NINJ2: variants seen among roughly 807,000 people sequenced by gnomAD.
NINJ2 encodes the protein ninjurin 2.
Under a neutral mutation model 11.7 loss-of-function variants are expected in NINJ2, and 12 were observed. The observed-to-expected ratio is 1.02, with a 90% CI of 0.66 to 1.66. The LOEUF (loss-of-function observed/expected upper bound fraction) is 1.66. Ranked by LOEUF, NINJ2 falls within the 40% of genes most tolerant of loss-of-function variation. NINJ2 has a pLI of 0.00. For synonymous variants in NINJ2, 93 were observed against 76.8 expected, an observed-to-expected ratio of 1.21 and a Z score of -1.10; for missense variants, 187 against 181.8, an observed-to-expected ratio of 1.03 and a Z score of -0.16.
chr12:619,516 T>C (rs1948129711), intron 1 of NINJ2, among the ~76,000 whole-genome samples: 1 of 152,140 alleles, frequency 6.6e-6, no homozygotes, highest in South Asian at 2.1e-4. Flanking sequence ...ACCTCCTTTG[T>C]ACACAGGCTG....
intron 1 of NINJ2, among the ~76,000 whole-genome samples, chr12:622,366 C>A (rs370676883): frequency 7.1e-6 from 1 of 141,028 alleles, no homozygotes; most frequent in Non-Finnish European, 1.5e-5. Context: ...GCTGAGATCA[C>A]GCCACTGCAC....
chr12:611,243 CTT>C (rs1190704130), intron 1 of NINJ2, among the ~76,000 whole-genome samples: 8 of 112,022 alleles, frequency 7.1e-5, no homozygotes, highest in African/African-American at 1.1e-4. Context: ...TTCTTTCTTT[CTT>C]TCTCTCTCTC....
At chr12:659,147 C>A (rs1445587786) in intron 1 of NINJ2, among the ~76,000 whole-genome samples, 1 of 151,440 alleles carries the variant, frequency 6.6e-6, no homozygotes, top group Non-Finnish European at 1.5e-5. Flanking sequence ...AGTACTTTGC[C>A]TATAGACCTT....
chr12:643,306 G>A (rs915455088), intron 1 of NINJ2: 5 of 405,150 alleles, frequency 1.2e-5, no homozygotes, highest in Admixed American at 1.3e-4. Context: ...ACTCTGCACC[G>A]TCGCGGCCTC....
Position 633,511 on chromosome 12 carries a change from T to G in NINJ2, c.33+29817A>C, listed in dbSNP as rs1261322061. ...AGAGACTGTCTCCAAAAAAAAAAAA[T>G]CATGTCATTTAAAAACTTCTGAGGC... On this transcript the variant is annotated intron_variant, in intron 1 of 3. Transcript: ENST00000305108. This position sits in a 1 kb window ranked among gnomAD's most constrained non-coding sequence, Gnocchi z 4.3. Among the ~76,000 whole-genome samples the G allele has an allele frequency of 2.0e-5, 3 of 150,238 alleles. No homozygotes were observed. Among genetic ancestry groups the G allele is most frequent in the Non-Finnish European group, 4.4e-5 (3 of 67,590 alleles).
intron 1 of NINJ2, among the ~76,000 whole-genome samples, chr12:596,691 AG>A (rs1275360283): frequency 6.6e-5 from 10 of 152,162 alleles, no homozygotes. Context: ...GGGAGGTTGA[AG>A]CAGGGGCATC....
intron 1 of NINJ2, among the ~76,000 whole-genome samples, chr12:654,658 C>T (rs1010033282): frequency 2.6e-5 from 4 of 151,858 alleles, no homozygotes; most frequent in African/African-American, 9.7e-5. Context: ...CTTTGGGAGG[C>T]CGAGGTGGGT....
chr12:646,227 T>C (rs532985288), intron 1 of NINJ2, among the ~76,000 whole-genome samples: 1 of 152,322 alleles, frequency 6.6e-6, no homozygotes, highest in East Asian at 1.9e-4. Context: ...CTCTTCAGGC[T>C]ACTCCATAGC....
chr12:567,991 A>G (rs1947325600), intron 1 of NINJ2, among the ~76,000 whole-genome samples: 1 of 152,224 alleles, frequency 6.6e-6, no homozygotes, highest in Non-Finnish European at 1.5e-5. Context: ...TGGGTGGCAG[A>G]GTAAGACTCT....
In NINJ2 at chr12:629,881, C is replaced by CAAAAAAA. The variant is rs1179186409; in HGVS notation, c.33+33440_33+33446dup. Reference sequence around the variant, plus strand: ...CAGCCTCGGCGACAAGAGCAAAACTCAAAAAAAAAAAAAAAATATATATAT... The same window carrying CAAAAAAA: ...CAGCCTCGGCGACAAGAGCAAAACTCAAAAAAAAAAAAAAAAAAAAAAATATATATAT... On this transcript the variant is annotated intron_variant, in intron 1 of 3. Transcript: ENST00000305108. Among the ~76,000 whole-genome samples, 19 of 3,362 alleles carry CAAAAAAA rather than the reference C, an allele frequency of 5.7e-3. 2 individuals are homozygous for CAAAAAAA. Among genetic ancestry groups the CAAAAAAA allele is most frequent in the Admixed American group, 0.014 (1 of 70 alleles). The allele number at this position is 3,362 out of a possible 152,430, so 2.2% of individuals were successfully genotyped here.
At chr12:577,430 C>CATATATATGTATATATATATATACATAT in intron 1 of NINJ2, among the ~76,000 whole-genome samples, 2 of 93,988 alleles carry the variant, frequency 2.1e-5, no homozygotes, top group Admixed American at 2.1e-4. Context: ...TATATATATA[C>CATATATATGTATATATATATATACATAT]ATATATATAT....
chr12:630,714 A>T (rs12316910), intron 1 of NINJ2, among the ~76,000 whole-genome samples: 19 of 152,308 alleles, frequency 1.2e-4, no homozygotes, highest in African/African-American at 3.6e-4. Flanking sequence ...GCAAATCCCC[A>T]AAGAGGGCCA....
In NINJ2 at chr12:566,057, G is replaced by A. The variant is rs773252921; in HGVS notation, c.155C>T (p.Ala52Val). ...LFMSNAMRLK[A>V]VLEQGPSSHY... ...AGAGGATGGTCCCTGCTCCAGCACCGCCTTCAGCCGCATGGCGTTGGACAT... is the reference window on the plus strand; with the variant it reads ...AGAGGATGGTCCCTGCTCCAGCACCACCTTCAGCCGCATGGCGTTGGACAT... The change falls in exon 2 of 4, where the codon GCG becomes GTG. Residue 52 changes from alanine (A) to valine (V), a missense_variant. Physicochemically the swap from Ala to Val is moderately conservative, Grantham distance 64 (BLOSUM62 0). Coordinates refer to ENST00000305108, the MANE Select transcript of NINJ2 (RefSeq NM_016533.6). 1.5e-5 allele frequency: 25 copies of A among 1,614,030 alleles called. No homozygotes were observed. Among genetic ancestry groups the A allele is most frequent in the Admixed American group, 8.3e-5 (5 of 60,006 alleles).
At chr12:565,148 A>G (rs1947273907) in intron 3 of NINJ2, 69 bp downstream of exon 3, 2 of 1,309,010 alleles carry the variant, frequency 1.5e-6, no homozygotes, top group Admixed American at 2.7e-5. Context: ...TCTTGCCCCA[A>G]AGCCCCAGAG....
intron 1 of NINJ2, among the ~76,000 whole-genome samples, chr12:608,892 T>TG (rs1168049740): frequency 6.6e-6 from 1 of 152,270 alleles, no homozygotes; most frequent in Non-Finnish European, 1.5e-5. Flanking sequence ...GGCAAGTCAC[T>TG]GTCCCTCTCT....
chr12:657,966 T>C (rs1420454581), intron 1 of NINJ2, among the ~76,000 whole-genome samples: 2 of 151,536 alleles, frequency 1.3e-5, no homozygotes, highest in Non-Finnish European at 2.9e-5. Flanking sequence ...AGAATTTGTG[T>C]TTACACAAAA....
intron 1 of NINJ2, chr12:610,400 C>T (rs1161806041): frequency 2.0e-6 from 3 of 1,535,540 alleles, no homozygotes; most frequent in African/African-American, 1.4e-5. Context: ...AGCCTCTTGC[C>T]CCACCAAGCA....
intron 1 of NINJ2, among the ~76,000 whole-genome samples, chr12:578,856 A>G (rs1242250905): frequency 7.9e-5 from 12 of 152,192 alleles, no homozygotes; most frequent in Admixed American, 7.9e-4. Flanking sequence ...TTCCCAGCCC[A>G]GTGCTGCCAG....
chr12:658,669 T>G, intron 1 of NINJ2, among the ~76,000 whole-genome samples: 1 of 131,272 alleles, frequency 7.6e-6, no homozygotes, highest in Non-Finnish European at 1.6e-5. Context: ...TGCTATGCTA[T>G]GCTATGCTAT....
Sources: gnomAD v4.1 joint callset for allele counts (sites outside exome capture counted in the v4.1 genomes callset) on GRCh38, gnomAD v4.1.1 for gene constraint, Gnocchi (gnomAD v3.1) non-coding constraint, MANE v1.5 for transcripts, NCBI Gene and HGNC (gene_info 2026-07-23, HGNC 2026-07-21) for gene names.